The following DNAJC1 variants were observed in gnomAD, a reference collection of about 807,000 sequenced individuals.
DNAJC1 encodes the protein dnaJ homolog subfamily C member 1.
DNAJC1 carries 58 observed loss-of-function variants against 76.6 expected under a neutral mutation model. The ratio of observed to expected loss-of-function variants is 0.76; its 90% CI spans 0.61 to 0.94. DNAJC1 has a LOEUF of 0.94. Ranked by LOEUF, DNAJC1 falls within the 40% of genes least tolerant of loss-of-function variation. The pLI, the probability that DNAJC1 is intolerant of heterozygous loss-of-function variation, is 0.00. For synonymous variants in DNAJC1, 258 were observed against 267.9 expected (o/e 0.96, Z 0.36); for missense variants, 689 against 677.3 (o/e 1.02, Z -0.19).
rs187876795 is a variant in DNAJC1 at position 21,786,716 on chromosome 10, C to T, written c.1098+19264G>A. On this transcript the variant is annotated intron_variant, in intron 9 of 11. Coordinates refer to ENST00000376980, the MANE Select transcript of DNAJC1 (RefSeq NM_022365.4). ...TCTCGAACTCCTGATCTCAGGAGAT[C>T]CACCTCGGCCTCCCAAAGCACTGGG... 1.8e-3 allele frequency among the ~76,000 whole-genome samples: 275 copies of T among 152,194 alleles called. 2 individuals carry two copies. In the South Asian group the frequency reaches 0.024, roughly 13 times the overall value.
chr10:21,862,423 C>G (rs1007576703), intron 8 of DNAJC1, among the ~76,000 whole-genome samples: 34 of 148,480 alleles, frequency 2.3e-4, no homozygotes, highest in African/African-American at 7.6e-4. Context: ...CCATCTGTTA[C>G]TACATTTTTT....
intron 7 of DNAJC1, among the ~76,000 whole-genome samples, chr10:21,885,612 C>T (rs792456): frequency 0.63 from 95,961 of 151,988 alleles, 31,296 homozygotes; most frequent in East Asian, 0.98. Context: ...TCAGCAAATG[C>T]AAAAGAACCA....
intron 8 of DNAJC1, among the ~76,000 whole-genome samples, chr10:21,880,284 T>G (rs1836252099): frequency 1.3e-5 from 2 of 152,212 alleles, no homozygotes; most frequent in African/African-American, 4.8e-5. Flanking sequence ...TAGAATAAAC[T>G]TCTTCTAATC....
intron 1 of DNAJC1, among the ~76,000 whole-genome samples, chr10:21,963,089 G>A (rs1409525606): frequency 1.4e-4 from 21 of 152,140 alleles, no homozygotes; most frequent in Non-Finnish European, 1.5e-5. Flanking sequence ...TTTCTTTGTG[G>A]TTCTTCCTGA....
intron 7 of DNAJC1, among the ~76,000 whole-genome samples, chr10:21,901,205 A>C (rs1185590218): frequency 6.6e-6 from 1 of 152,200 alleles, no homozygotes; most frequent in Non-Finnish European, 1.5e-5. Context: ...TGATTATTTA[A>C]TTCTGGTTTT....
At chr10:21,927,317 T>C (rs930724106) in intron 3 of DNAJC1, among the ~76,000 whole-genome samples, 20 of 152,186 alleles carry the variant, frequency 1.3e-4, no homozygotes, top group Non-Finnish European at 2.9e-5. Flanking sequence ...TCAAGAATGG[T>C]AGCTAACATT....
At chr10:21,806,459 A>G (rs1834884572) in intron 8 of DNAJC1, among the ~76,000 whole-genome samples, 1 of 152,116 alleles carries the variant, frequency 6.6e-6, no homozygotes. Context: ...TATAAAATGC[A>G]GTGCTGCTCA....
intron 8 of DNAJC1, among the ~76,000 whole-genome samples, chr10:21,863,728 A>G (rs1463078451): frequency 6.6e-6 from 1 of 152,136 alleles, no homozygotes; most frequent in Non-Finnish European, 1.5e-5. Context: ...ATATTAACAG[A>G]TAAAAGAAAA....
intron 8 of DNAJC1, among the ~76,000 whole-genome samples, chr10:21,827,099 T>C (rs944901003): frequency 6.6e-6 from 1 of 152,164 alleles, no homozygotes; most frequent in Non-Finnish European, 1.5e-5. Context: ...GGTTTTCCAT[T>C]TATTTAAGTT....
At chr10:21,783,178 A>G (rs1834555563) in intron 9 of DNAJC1, among the ~76,000 whole-genome samples, 1 of 152,216 alleles carries the variant, frequency 6.6e-6, no homozygotes, top group African/African-American at 2.4e-5. Flanking sequence ...AAATCTCCTT[A>G]AACTGATAAG....
intron 1 of DNAJC1, among the ~76,000 whole-genome samples, chr10:21,998,325 G>C (rs567706295): frequency 6.7e-5 from 10 of 149,668 alleles, no homozygotes; most frequent in Non-Finnish European, 1.3e-4. Context: ...AGGAGGCAGA[G>C]GTTGCAATGA....
intron 1 of DNAJC1, among the ~76,000 whole-genome samples, chr10:21,996,872 G>C (rs151281968): frequency 1.1e-4 from 17 of 152,154 alleles, no homozygotes; most frequent in African/African-American, 3.4e-4. Context: ...AATTCTATCT[G>C]ATGCAAAGAT....
chr10:21,982,384 G>GA (rs1052845898), intron 1 of DNAJC1, among the ~76,000 whole-genome samples: 8 of 151,760 alleles, frequency 5.3e-5, no homozygotes, highest in African/African-American at 1.2e-4. Flanking sequence ...GCAAAAAAAA[G>GA]AAAAAAATAA....
intron 9 of DNAJC1, among the ~76,000 whole-genome samples, chr10:21,776,171 A>C (rs1834452674): frequency 1.3e-5 from 2 of 152,208 alleles, no homozygotes; most frequent in African/African-American, 4.8e-5. Flanking sequence ...AAATTAACAG[A>C]AAATTAAATC....
chr10:21,889,281 C>A (rs1836421649), intron 7 of DNAJC1, among the ~76,000 whole-genome samples: 1 of 152,086 alleles, frequency 6.6e-6, no homozygotes, highest in Admixed American at 6.6e-5. Context: ...TCAAGAAGAG[C>A]ACGAAGGGGA....
chr10:21,846,327 A>C (rs1835658768), intron 8 of DNAJC1, among the ~76,000 whole-genome samples: 1 of 152,232 alleles, frequency 6.6e-6, no homozygotes, highest in Non-Finnish European at 1.5e-5. Flanking sequence ...GAACTCCCTT[A>C]GAAAACAATT....
chr10:21,964,813 C>A (rs1837863546), intron 1 of DNAJC1, among the ~76,000 whole-genome samples: 1 of 151,658 alleles, frequency 6.6e-6, no homozygotes, highest in Admixed American at 6.6e-5. Flanking sequence ...TCTAGAATTC[C>A]AGTATTGAGG....
At chr10:21,817,739 T>C (rs1001684069) in intron 8 of DNAJC1, among the ~76,000 whole-genome samples, 3 of 152,226 alleles carry the variant, frequency 2.0e-5, no homozygotes, top group African/African-American at 7.2e-5. Context: ...GAAGATTTCA[T>C]GGACATTTAT....
In DNAJC1 at chr10:21,882,370, T is replaced by G; in HGVS notation, c.890A>C (p.Gln297Pro). The change falls in exon 8 of 12, where the codon CAG becomes CCG. Residue 297 changes from glutamine (Q) to proline (P), a missense_variant. Gln to Pro is a moderately conservative substitution (Grantham distance 76). Transcript: ENST00000376980. ...VYTPLETTYI[Q>P]SYDHGTSIEE... ...TATGGAAGTTCCATGATCATAAGAC[T>G]GAATATATGTAGTTTCTAAAGGTGT... is the stretch of plus-strand genomic sequence containing the variant. 6.3e-7 allele frequency: 1 copy of G among 1,597,840 alleles called. No individual in the cohort carries two copies. Among genetic ancestry groups the G allele is most frequent in the South Asian group, 1.1e-5 (1 of 87,336 alleles).
Sources: allele counts gnomAD v4.1 joint callset (sites outside exome capture counted in the v4.1 genomes callset), GRCh38; gene constraint gnomAD v4.1.1; transcripts MANE v1.5; gene names NCBI Gene and HGNC (gene_info 2026-07-23, HGNC 2026-07-21).